The following AK9 variants were observed in gnomAD, a reference collection of about 807,000 sequenced individuals.
AK9 encodes the protein adenylate kinase domain containing 1.
AK9 carries 191 observed loss-of-function variants against 239.6 expected under a neutral mutation model. The ratio of observed to expected loss-of-function variants is 0.80; its 90% CI spans 0.71 to 0.90. The LOEUF is 0.90. Ranked by LOEUF, AK9 falls within the 40% of genes least tolerant of loss-of-function variation. AK9 has a pLI of 0.00. For missense variants in AK9, 1,995 were observed against 2,214.7 expected (o/e 0.90, Z 1.99); for synonymous variants, 689 against 721.0 (o/e 0.96, Z 0.71).
In AK9 at chr6:109,633,117, A is replaced by G; in HGVS notation, c.1074-14T>C. ...TTACCTAGAAAACTTAAAATATGCC[A>G]TATTAGTAAACAACTGAAAAGATGT... On this transcript the variant is annotated splice_polypyrimidine_tract_variant and intron_variant, in intron 11 of 40. Coordinates refer to ENST00000424296, the MANE Select transcript of AK9 (RefSeq NM_001145128.3). The G allele has an allele frequency of 1.3e-6, 2 of 1,552,418 alleles. No individual in the cohort carries two copies. Among genetic ancestry groups the G allele is most frequent in the Non-Finnish European group, 1.7e-6 (2 of 1,157,388 alleles).
At chr6:109,614,529 A>C in intron 13 of AK9, 49 bp from the exon 14 acceptor site, 1 of 1,470,584 alleles carries the variant, frequency 6.8e-7, no homozygotes, top group Non-Finnish European at 9.3e-7. Flanking sequence ...TGGGGATAGA[A>C]AAACAGGTAG....
intron 7 of AK9, among the ~76,000 whole-genome samples, chr6:109,658,185 G>C (rs960575675): frequency 1.3e-5 from 2 of 152,074 alleles, no homozygotes; most frequent in Non-Finnish European, 2.9e-5. Flanking sequence ...CCTACAAGTA[G>C]AATTACTGGA....
intron 17 of AK9, among the ~76,000 whole-genome samples, chr6:109,587,865 T>C (rs1000569511): frequency 2.6e-5 from 4 of 152,220 alleles, no homozygotes; most frequent in African/African-American, 7.2e-5. Flanking sequence ...GAGAAATCTC[T>C]ACACCATTTT....
intron 3 of AK9, among the ~76,000 whole-genome samples, chr6:109,672,495 C>A (rs1373708807): frequency 6.6e-6 from 1 of 151,986 alleles, no homozygotes; most frequent in African/African-American, 2.4e-5. Context: ...CCAGCCTAGG[C>A]AACATAGGGA....
chr6:109,599,281 CT>C (rs1427422192), intron 17 of AK9, among the ~76,000 whole-genome samples: 1 of 152,114 alleles, frequency 6.6e-6, no homozygotes, highest in Non-Finnish European at 1.5e-5. Context: ...CCAGTTTCAG[CT>C]TTCTACGTAT....
intron 10 of AK9, among the ~76,000 whole-genome samples, chr6:109,634,386 A>G (rs1234999536): frequency 6.6e-6 from 1 of 152,236 alleles, no homozygotes; most frequent in Non-Finnish European, 1.5e-5. Context: ...TGTGAACCAA[A>G]TGAACTTATT....
chr6:109,648,510 C>G (rs902020319), intron 8 of AK9, among the ~76,000 whole-genome samples: 3 of 152,008 alleles, frequency 2.0e-5, no homozygotes, highest in Admixed American at 6.6e-5. Context: ...ATAAATTCCT[C>G]GACACATACA....
chr6:109,597,816 G>A (rs1215412419), intron 17 of AK9, among the ~76,000 whole-genome samples: 1 of 152,060 alleles, frequency 6.6e-6, no homozygotes, highest in East Asian at 1.9e-4. Context: ...GAAGGGTAAG[G>A]AAAGAAAGGA....
chr6:109,612,757 T>A (rs533779961), intron 15 of AK9, among the ~76,000 whole-genome samples: 8 of 152,130 alleles, frequency 5.3e-5, no homozygotes, highest in South Asian at 2.1e-4. Context: ...AGCACATCTG[T>A]CTGAATTAGT....
intron 9 of AK9, among the ~76,000 whole-genome samples, chr6:109,642,962 C>G (rs1411407695): frequency 6.6e-6 from 1 of 152,126 alleles, no homozygotes; most frequent in Non-Finnish European, 1.5e-5. Context: ...ATATCTAAAG[C>G]TACTGACTGA....
intron 12 of AK9, among the ~76,000 whole-genome samples, chr6:109,628,913 T>TA (rs35843846): frequency 2.6e-5 from 4 of 151,780 alleles, no homozygotes; most frequent in African/African-American, 4.8e-5. Context: ...GCGTTTCATT[T>TA]AAAAAAAACA....
At chr6:109,536,820 T>A (rs905969727) in intron 27 of AK9, among the ~76,000 whole-genome samples, 1 of 152,198 alleles carries the variant, frequency 6.6e-6, no homozygotes, top group Admixed American at 6.5e-5. Context: ...TGAAGGGCTG[T>A]TGAATTTTGT....
At chr6:109,688,825 A>C (rs1329888099) in intron 1 of AK9, among the ~76,000 whole-genome samples, 1 of 152,156 alleles carries the variant, frequency 6.6e-6, no homozygotes, top group Non-Finnish European at 1.5e-5. Context: ...TGGCAGATGG[A>C]GATAGGGTTG....
At chr6:109,519,946 G>A (rs1269571505) in intron 29 of AK9, among the ~76,000 whole-genome samples, 2 of 152,146 alleles carry the variant, frequency 1.3e-5, no homozygotes, top group African/African-American at 2.4e-5. Flanking sequence ...TTTTAATGGG[G>A]TTATTTGGTT....
chr6:109,559,246 C>A (rs1203122639), intron 24 of AK9, among the ~76,000 whole-genome samples: 6 of 151,922 alleles, frequency 3.9e-5, no homozygotes, highest in Admixed American at 1.3e-4. Flanking sequence ...CGGCTCACTG[C>A]AGGCTCTGCC....
Position 109,619,091 on chromosome 6 carries a change from C to T in AK9, c.1399+1G>A, listed in dbSNP as rs201641218. 53 of 1,533,472 alleles carry T rather than the reference C, an allele frequency of 3.5e-5. No individual in the cohort carries two copies. The highest frequency in any genetic ancestry group is 3.9e-5 in the Non-Finnish European group (44 of 1,141,872). 95.0% of individuals were successfully genotyped at this position (1,533,472 alleles called of 1,614,324 possible). On this transcript the variant is annotated splice_donor_variant, in intron 13 of 40. Transcript: ENST00000424296. LOFTEE classifies it high-confidence loss of function. ...ACACACATTTTAAAAAGATGTTTCA[C>T]CTTGTTTTCTAGCTTGCAGTTCCCT...
rs377006263 is a variant in AK9 at position 109,542,065 on chromosome 6, C to T, written c.3332G>A (p.Trp1111Ter). ...AAGATACCGTATTGGTTCCTTAAGC[C>T]ACCACTCAGAAAGAATTACTTCAAG... ...EILEVILSEWWLKEPIRSTGF... is the reference protein window; with the variant it reads ...EILEVILSEW The change falls in exon 27 of 41, where the codon TGG (tryptophan) becomes TAG (stop). Residue 1111 changes from tryptophan (W) to a stop codon, truncating the protein, a stop_gained. Coordinates refer to ENST00000424296, the MANE Select transcript of AK9 (RefSeq NM_001145128.3). LOFTEE classifies it high-confidence loss of function. 1.4e-5 allele frequency: 22 copies of T among 1,600,398 alleles called. 1 individual carries two copies. The highest frequency in any genetic ancestry group is 8.9e-5 in the South Asian group (8 of 89,474).
chr6:109,506,700 T>C lies in AK9; in HGVS notation c.4582A>G (p.Lys1528Glu). 1.3e-6 allele frequency: 2 copies of C among 1,538,114 alleles called. No homozygotes were observed. The highest frequency in any genetic ancestry group is 1.8e-6 in the Non-Finnish European group (2 of 1,137,478). The change falls in exon 34 of 41, where the codon AAG (lysine) becomes GAG (glutamate). Residue 1528 changes from lysine (K) to glutamate (E), a missense_variant. By Grantham distance (56) the Lys-to-Glu change is moderately conservative. This residue lies in a region of AK9 where 391 missense variants were observed against 456.0 expected (regional missense o/e 0.86). Coordinates refer to ENST00000424296, the MANE Select transcript of AK9 (RefSeq NM_001145128.3). ...AGGAGCAATCTTTTGAAAATCTCCT[T>C]GGAAGGCACACTCAATTCAAAGATG... Reference protein sequence around the residue: ...MVIFELSVPSKEIFKRLLLEK... With the variant: ...MVIFELSVPSEEIFKRLLLEK...
At chr6:109,497,638 AG>A in intron 37 of AK9, 75 bp from the exon 38 acceptor site, 1 of 1,357,690 alleles carries the variant, frequency 7.4e-7, no homozygotes, top group South Asian at 1.3e-5. Flanking sequence ...AAAAGTCAAA[AG>A]TATTTTATTT....
Sources: gnomAD v4.1 joint callset for allele counts (sites outside exome capture counted in the v4.1 genomes callset) on GRCh38, gnomAD v4.1.1 for gene constraint, gnomAD v4.1.1 regional missense constraint, MANE v1.5 for transcripts, NCBI Gene and HGNC (gene_info 2026-07-23, HGNC 2026-07-21) for gene names.